The following UNC5D variants were observed in gnomAD, a reference collection of about 807,000 sequenced individuals.
UNC5D encodes the protein netrin receptor UNC5D.
Under a neutral mutation model 105.4 loss-of-function variants are expected in UNC5D, and 39 were observed. The observed-to-expected ratio is 0.37, with a 90% CI of 0.29 to 0.48. The LOEUF is 0.48. UNC5D is among the 20% of genes least tolerant of loss of function. UNC5D has a pLI of 0.98. For synonymous variants in UNC5D, 452 were observed against 450.4 expected, an observed-to-expected ratio of 1.00 and a Z score of -0.04; for missense variants, 991 against 1,202.4, an observed-to-expected ratio of 0.82 and a Z score of 2.60.
intron 1 of UNC5D, among the ~76,000 whole-genome samples, chr8:35,401,370 G>A (rs1804450760): frequency 6.6e-6 from 1 of 152,134 alleles, no homozygotes; most frequent in Non-Finnish European, 1.5e-5. Flanking sequence ...TGTAATCTCA[G>A]CTACTCAGGA....
At chr8:35,285,244 G>A (rs1040005950) in intron 1 of UNC5D, among the ~76,000 whole-genome samples, 1 of 152,164 alleles carries the variant, frequency 6.6e-6, no homozygotes, top group Non-Finnish European at 1.5e-5. Context: ...GAAAAGGCCT[G>A]CGTATTTTTC....
chr8:35,606,608 A>G (rs1049697299), intron 4 of UNC5D, among the ~76,000 whole-genome samples: 5 of 152,240 alleles, frequency 3.3e-5, no homozygotes, highest in South Asian at 2.1e-4. Flanking sequence ...CCCAATGTCT[A>G]TCATTCCTTT....
At chr8:35,669,533 A>G (rs1174557641) in intron 4 of UNC5D, among the ~76,000 whole-genome samples, 1 of 152,014 alleles carries the variant, frequency 6.6e-6, no homozygotes, top group Non-Finnish European at 1.5e-5. Flanking sequence ...TAATTCCTTT[A>G]CAAGATTCTT....
In UNC5D at chr8:35,722,390, G is replaced by A. The variant is rs144081400; in HGVS notation, c.1298G>A (p.Arg433His). 2.6e-3 allele frequency: 4,172 copies of A among 1,613,284 alleles called. 20 individuals are homozygous for A. The highest frequency in any genetic ancestry group is 2.7e-3 in the Non-Finnish European group (3,142 of 1,179,808). Residue 433 changes from arginine to histidine, a missense_variant, in exon 9 of 17, where the codon CGT (arginine) becomes CAT (histidine). Transcript: ENST00000404895. ...CAGACCTTCAACTTCAAAACAGTCCGTCAAGGTCAGCGGCATAGGTCCCTC... is the reference window on the plus strand; with the variant it reads ...CAGACCTTCAACTTCAAAACAGTCCATCAAGGTCAGCGGCATAGGTCCCTC... ...GFQTFNFKTV[R>H]QGNSLLLNSA...
rs139693779 is a variant in UNC5D at position 35,576,448 on chromosome 8, T to G, written c.466+8207T>G. ...TAAGGTGGCACATTTGGGGTTGAGC[T>G]AACAACTAGAAATGCCCATTGATGA... On this transcript the variant is annotated intron_variant, in intron 3 of 16. Transcript: ENST00000404895. 2.1e-3 allele frequency among the ~76,000 whole-genome samples: 313 copies of G among 152,312 alleles called. 2 individuals carry two copies. The highest frequency in any genetic ancestry group is 6.9e-3 in the African/African-American group (285 of 41,566).
chr8:35,487,519 A>G (rs1810900982), intron 1 of UNC5D, among the ~76,000 whole-genome samples: 1 of 151,868 alleles, frequency 6.6e-6, no homozygotes, highest in East Asian at 1.9e-4. Context: ...TCACAAGTAC[A>G]TGAGCCAATT....
At chr8:35,469,546 G>T (rs533367291) in intron 1 of UNC5D, among the ~76,000 whole-genome samples, 3 of 152,092 alleles carry the variant, frequency 2.0e-5, no homozygotes, top group African/African-American at 7.2e-5. Context: ...AACTTTCTTT[G>T]CTTTGGAATA....
At chr8:35,426,958 T>A (rs562278854) in intron 1 of UNC5D, among the ~76,000 whole-genome samples, 1 of 152,280 alleles carries the variant, frequency 6.6e-6, no homozygotes, top group South Asian at 2.1e-4. Flanking sequence ...TGACTCCCAT[T>A]CTGGTACTAT....
At chr8:35,533,863 C>A (rs1249014057) in intron 1 of UNC5D, among the ~76,000 whole-genome samples, 2 of 152,222 alleles carry the variant, frequency 1.3e-5, no homozygotes, top group African/African-American at 4.8e-5. Context: ...TCCCTGACCC[C>A]TTGCGCTTCC....
In UNC5D at chr8:35,737,293, TG is replaced by T. The variant is rs1563720956; in HGVS notation, c.1766+6198del. On this transcript the variant is annotated intron_variant, in intron 11 of 16. Transcript: ENST00000404895. ...GTGTGTGTGTGTGTGTGTGTGTGTG[TG>T]TGTGTGTTAATGTGTGATGAAGGAA... is the stretch of plus-strand genomic sequence containing the variant. 8.7e-4 allele frequency among the ~76,000 whole-genome samples: 131 copies of T among 150,098 alleles called. 2 individuals are homozygous for T. Among genetic ancestry groups the T allele is most frequent in the Middle Eastern group, 3.4e-3 (1 of 292 alleles).
intron 7 of UNC5D, among the ~76,000 whole-genome samples, chr8:35,687,324 C>T (rs1245966401): frequency 6.6e-6 from 1 of 151,884 alleles, no homozygotes; most frequent in South Asian, 2.1e-4. Flanking sequence ...CGCCTGTAGT[C>T]CCAGCTACTC....
intron 3 of UNC5D, among the ~76,000 whole-genome samples, chr8:35,589,608 C>G (rs1819027872): frequency 6.6e-6 from 1 of 152,094 alleles, no homozygotes; most frequent in Non-Finnish European, 1.5e-5. Context: ...TCCATCACAA[C>G]ATAAAAAACC....
At chr8:35,755,772 C>T (rs761097792) in intron 13 of UNC5D, among the ~76,000 whole-genome samples, 5 of 152,272 alleles carry the variant, frequency 3.3e-5, no homozygotes, top group Middle Eastern at 6.8e-3. Context: ...TTTCCTAGTT[C>T]CATTAACTCG....
intron 8 of UNC5D, among the ~76,000 whole-genome samples, chr8:35,714,743 G>A (rs956073917): frequency 1.3e-5 from 2 of 152,250 alleles, no homozygotes; most frequent in African/African-American, 4.8e-5. Context: ...CAAGAGAACA[G>A]TGGTTTAGGC....
intron 1 of UNC5D, among the ~76,000 whole-genome samples, chr8:35,509,993 G>A (rs1396347983): frequency 6.6e-6 from 1 of 152,170 alleles, no homozygotes; most frequent in East Asian, 1.9e-4. Context: ...TGGGGGAGGG[G>A]CTGCAGAGCT....
At position 35,759,432 on chromosome 8, in the gene UNC5D, C is replaced by A. The variant is rs1389457796; in HGVS notation, c.2276C>A (p.Pro759Gln). 2.5e-6 allele frequency: 4 copies of A among 1,614,034 alleles called. No individual in the cohort carries two copies. The highest frequency in any genetic ancestry group is 2.2e-5 in the East Asian group (1 of 44,870). ...CAGATTTCTGTCCTTGATATTCCCC[C>A]ATTCCTCTGGAGAATTAAACCATTC... ...SLQISVLDIP[P>Q]FLWRIKPFTA... Residue 759 changes from proline to glutamine, a missense_variant, in exon 14 of 17, where the codon CCA becomes CAA. Physicochemically the swap from Pro to Gln is moderately conservative, Grantham distance 76 (BLOSUM62 -1). Coordinates refer to ENST00000404895, the MANE Select transcript of UNC5D (RefSeq NM_080872.4).
chr8:35,364,834 A>C (rs1457021090), intron 1 of UNC5D, among the ~76,000 whole-genome samples: 1 of 152,210 alleles, frequency 6.6e-6, no homozygotes, highest in Non-Finnish European at 1.5e-5. Context: ...ATTATAAATG[A>C]TATGCTTGCT....
chr8:35,350,628 C>T (rs556339937), intron 1 of UNC5D, among the ~76,000 whole-genome samples: 1 of 152,122 alleles, frequency 6.6e-6, no homozygotes, highest in Admixed American at 6.5e-5. Context: ...TGATTTCATA[C>T]TGGTGGTCCA....
chr8:35,610,062 T>C (rs1432611213), intron 4 of UNC5D, among the ~76,000 whole-genome samples: 1 of 152,118 alleles, frequency 6.6e-6, no homozygotes, highest in Non-Finnish European at 1.5e-5. Context: ...TTTTGAAATG[T>C]TCTCGTGTAC....
Sources: gnomAD v4.1 joint callset for allele counts (sites outside exome capture counted in the v4.1 genomes callset) on GRCh38, gnomAD v4.1.1 for gene constraint, MANE v1.5 for transcripts, NCBI Gene and HGNC (gene_info 2026-07-23, HGNC 2026-07-21) for gene names.